The following GALNTL6 variants were observed in gnomAD, a reference collection of about 807,000 sequenced individuals.
GALNTL6 encodes the protein polypeptide N-acetylgalactosaminyltransferase like 6.
Under a neutral mutation model 73.7 loss-of-function variants are expected in GALNTL6, and 46 were observed. The observed-to-expected ratio is 0.62, with a 90% CI of 0.49 to 0.80. GALNTL6 has a LOEUF of 0.80. Among genes scored for constraint, GALNTL6 ranks in the 30% least tolerant of loss-of-function variants. The pLI is 0.00. For synonymous variants in GALNTL6, 259 were observed against 263.7 expected (o/e 0.98, Z 0.17); for missense variants, 604 against 755.0 (o/e 0.80, Z 2.34).
chr4:172,523,658 C>T (rs755145000), intron 5 of GALNTL6, among the ~76,000 whole-genome samples: 2 of 152,194 alleles, frequency 1.3e-5, no homozygotes, highest in African/African-American at 2.4e-5. Flanking sequence ...AGCCACTGCA[C>T]ATTGCCTGTT....
chr4:171,889,714 T>C (rs1243652716), intron 2 of GALNTL6, among the ~76,000 whole-genome samples: 1 of 152,052 alleles, frequency 6.6e-6, no homozygotes, highest in Admixed American at 6.6e-5. Context: ...GATGACAAAC[T>C]TTCTTGTAAC....
chr4:172,947,776 C>A (rs936388167), intron 9 of GALNTL6, among the ~76,000 whole-genome samples: 3 of 152,170 alleles, frequency 2.0e-5, no homozygotes, highest in Non-Finnish European at 4.4e-5. Flanking sequence ...TTGCTTTGCT[C>A]CTATTCCACT....
chr4:173,007,857 T>C (rs1305299855), intron 10 of GALNTL6, among the ~76,000 whole-genome samples: 1 of 152,090 alleles, frequency 6.6e-6, no homozygotes, highest in Non-Finnish European at 1.5e-5. Flanking sequence ...CAGACTCTAC[T>C]TCTGTTGCTG....
chr4:172,641,982 CA>C (rs749128706), intron 5 of GALNTL6, among the ~76,000 whole-genome samples: 1 of 151,922 alleles, frequency 6.6e-6, no homozygotes, highest in Non-Finnish European at 1.5e-5. Context: ...AAAGAGTGCT[CA>C]ACAACACTAA....
intron 5 of GALNTL6, among the ~76,000 whole-genome samples, chr4:172,446,226 TAA>T (rs1242529328): frequency 1.3e-5 from 2 of 152,180 alleles, no homozygotes; most frequent in African/African-American, 2.4e-5. Context: ...ATAATAGATA[TAA>T]GAGGCACCTT....
At chr4:171,906,937 T>C (rs574436324) in intron 2 of GALNTL6, among the ~76,000 whole-genome samples, 1 of 152,128 alleles carries the variant, frequency 6.6e-6, no homozygotes, top group Non-Finnish European at 1.5e-5. Context: ...TTTGGCAAAA[T>C]TCAACAACCC....
At chr4:171,896,567 A>G (rs1220796793) in intron 2 of GALNTL6, among the ~76,000 whole-genome samples, 1 of 152,196 alleles carries the variant, frequency 6.6e-6, no homozygotes, top group Non-Finnish European at 1.5e-5. Context: ...GTCTGGTAAA[A>G]GCCAACTTTC....
chr4:171,832,586 A>T (rs1228775424), intron 2 of GALNTL6, among the ~76,000 whole-genome samples: 3 of 151,580 alleles, frequency 2.0e-5, no homozygotes, highest in Non-Finnish European at 1.5e-5. Context: ...TTGCAAAAAA[A>T]AGTATAGAGT....
At chr4:172,760,512 G>A (rs541937926) in intron 5 of GALNTL6, among the ~76,000 whole-genome samples, 1 of 152,314 alleles carries the variant, frequency 6.6e-6, no homozygotes, top group South Asian at 2.1e-4. Context: ...TGAGATGCTT[G>A]CTCTGCTGTG....
chr4:172,435,970 C>T (rs1579069669), intron 5 of GALNTL6, among the ~76,000 whole-genome samples: 1 of 148,930 alleles, frequency 6.7e-6, no homozygotes. Flanking sequence ...TTGAAGGTTT[C>T]CTTTTGGTTG....
intron 5 of GALNTL6, among the ~76,000 whole-genome samples, chr4:172,528,319 AAT>A (rs3083419): frequency 0.024 from 2,453 of 102,302 alleles, 13 homozygotes; most frequent in African/African-American, 0.037. Context: ...CTAGAAATAA[AAT>A]ATATATATAT....
At chr4:172,761,669 T>TTCTCTCTCTCTCTCTCTC (rs33989573) in intron 5 of GALNTL6, among the ~76,000 whole-genome samples, 143 of 147,278 alleles carry the variant, frequency 9.7e-4, no homozygotes, top group African/African-American at 3.2e-3. Flanking sequence ...CTTGCTCTCT[T>TTCTCTCTCTCTCTCTCTC]TCTCTCTCTC....
chr4:172,032,869 C>T (rs1741810544), intron 2 of GALNTL6, among the ~76,000 whole-genome samples: 1 of 151,932 alleles, frequency 6.6e-6, no homozygotes, highest in Non-Finnish European at 1.5e-5. Context: ...TTAATCACTG[C>T]CATTTTCTTT....
intron 2 of GALNTL6, among the ~76,000 whole-genome samples, chr4:172,003,912 T>C (rs1163604682): frequency 6.6e-6 from 1 of 152,146 alleles, no homozygotes; most frequent in Non-Finnish European, 1.5e-5. Flanking sequence ...TTTCTTAAGG[T>C]TATGACTCCT....
chr4:171,901,559 G>T (rs941277167), intron 2 of GALNTL6, among the ~76,000 whole-genome samples: 5 of 152,168 alleles, frequency 3.3e-5, no homozygotes, highest in African/African-American at 1.2e-4. Context: ...GTGGGCAGGA[G>T]GCATCTCAGG....
intron 7 of GALNTL6, among the ~76,000 whole-genome samples, chr4:172,837,182 ACCTCCCTAATTCTGGTTTTG>A (rs969168070): frequency 1.3e-5 from 2 of 152,156 alleles, no homozygotes; most frequent in Non-Finnish European, 2.9e-5. Context: ...TTGGGGTTTT[ACCTCCCTAATTCTGGTTTTG>A]CCAGTAGTTC....
In GALNTL6 at chr4:173,005,525, T is replaced by TG. The variant is rs1341330391; in HGVS notation, c.1372-3653_1372-3652insG. On this transcript the variant is annotated intron_variant, in intron 10 of 12. Coordinates refer to ENST00000506823, the MANE Select transcript of GALNTL6 (RefSeq NM_001034845.3). The stretch of plus-strand genomic sequence containing the variant: ...ATCATCATAAGTGTTCTTGTCTACA[T>TG]TTAAAAAAAATATATTATTAGCGTG... Among the ~76,000 whole-genome samples the TG allele has an allele frequency of 4.0e-4, 3 of 7,420 alleles. No homozygotes were observed. In the Non-Finnish European group the frequency reaches 0.015, roughly 37 times the overall value. 4.9% of individuals were successfully genotyped at this position (7,420 alleles called of 152,430 possible).
At chr4:172,875,811 G>C (rs1003442365) in intron 7 of GALNTL6, among the ~76,000 whole-genome samples, 1 of 147,532 alleles carries the variant, frequency 6.8e-6, no homozygotes, top group African/African-American at 2.5e-5. Flanking sequence ...AGTAACAGAG[G>C]GACAAAGCAT....
At chr4:171,872,760 G>A (rs1412732617) in intron 2 of GALNTL6, among the ~76,000 whole-genome samples, 1 of 152,018 alleles carries the variant, frequency 6.6e-6, no homozygotes, top group Non-Finnish European at 1.5e-5. Flanking sequence ...ATTGAATTAG[G>A]GCCCACCTGA....
Sources: allele counts gnomAD v4.1 joint callset (sites outside exome capture counted in the v4.1 genomes callset), GRCh38; gene constraint gnomAD v4.1.1; transcripts MANE v1.5; gene names NCBI Gene and HGNC (gene_info 2026-07-23, HGNC 2026-07-21).